CIP2A: variants seen among roughly 807,000 people sequenced by gnomAD.
CIP2A encodes protein CIP2A.
Under a neutral mutation model 110.9 loss-of-function variants are expected in CIP2A, and 103 were observed. That is an observed-to-expected ratio of 0.93 (90% CI 0.79 to 1.09). CIP2A has a LOEUF of 1.09. Ranked by LOEUF, CIP2A falls within the 50% of genes least tolerant of loss-of-function variation. The pLI is 0.00. For synonymous variants in CIP2A, 381 were observed against 361.6 expected, an observed-to-expected ratio of 1.05 and a Z score of -0.61; for missense variants, 1,088 against 1,038.4, an observed-to-expected ratio of 1.05 and a Z score of -0.66.
intron 13 of CIP2A, among the ~76,000 whole-genome samples, chr3:108,562,727 A>G (rs1466683468): frequency 6.6e-6 from 1 of 152,032 alleles, no homozygotes; most frequent in Non-Finnish European, 1.5e-5. Flanking sequence ...TTTAGTCCAC[A>G]TCGTTCTCAT....
intron 1 of CIP2A, among the ~76,000 whole-genome samples, chr3:108,586,304 G>A (rs543211466): frequency 6.6e-6 from 1 of 152,270 alleles, no homozygotes; most frequent in South Asian, 2.1e-4. Flanking sequence ...ATATGAAAGT[G>A]CAGATGCCAG....
At chr3:108,583,856 A>G (rs1343328079) in intron 2 of CIP2A, among the ~76,000 whole-genome samples, 2 of 152,200 alleles carry the variant, frequency 1.3e-5, no homozygotes, top group African/African-American at 4.8e-5. Context: ...TGCAGGTAAC[A>G]AAATATCATA....
At chr3:108,557,115 G>T in intron 17 of CIP2A, 103 bp downstream of exon 17, 1 of 668,806 alleles carries the variant, frequency 1.5e-6, no homozygotes, top group Non-Finnish European at 2.5e-6. Flanking sequence ...TGTGTTATCA[G>T]AATATATGAA....
chr3:108,583,113 A>T (rs760198396), intron 2 of CIP2A, 30 bp from the exon 3 acceptor site: 4 of 1,230,188 alleles, frequency 3.3e-6, no homozygotes, highest in Non-Finnish European at 4.6e-6. Flanking sequence ...CACAAAATAT[A>T]TCATTTTCTT....
At chr3:108,582,856 C>A (rs369278801) in intron 3 of CIP2A, 121 bp downstream of exon 3, 1 of 448,942 alleles carries the variant, frequency 2.2e-6, no homozygotes, top group Non-Finnish European at 4.0e-6. Context: ...ATGAACTGTG[C>A]CTAATCATGT....
In CIP2A at chr3:108,566,595, G is replaced by A. The variant is rs775669068; in HGVS notation, c.1317C>T (p.Ile439=). The A allele has an allele frequency of 5.6e-6, 9 of 1,605,352 alleles. No individual in the cohort carries two copies. The highest frequency in any genetic ancestry group is 1.7e-4 in the Middle Eastern group (1 of 6,046). The change falls in exon 11 of 21, where the codon ATC becomes ATT. Residue 439 remains isoleucine, a synonymous_variant. Coordinates refer to ENST00000295746, the MANE Select transcript of CIP2A (RefSeq NM_020890.3). ...GAGTGGTACACTTGACAGTTGTCAA[G>A]ATTTTTGCAATATGCATTTTTAGTG... The part of the protein sequence containing the change: ...DDTLKMHIAK[I]LTTVKCTTLI...
In CIP2A at chr3:108,585,186, T is replaced by C. The variant is rs750414257; in HGVS notation, c.129A>G (p.Arg43=). 11 of 1,610,982 alleles carry C rather than the reference T, an allele frequency of 6.8e-6. No individual in the cohort carries two copies. The highest frequency in any genetic ancestry group is 9.3e-6 in the Non-Finnish European group (11 of 1,178,496). The change falls in exon 2 of 21, where the codon CGA becomes CGG. Residue 43 remains arginine, a synonymous_variant. Coordinates refer to ENST00000295746, the MANE Select transcript of CIP2A (RefSeq NM_020890.3). ...LEVISGQKLT[R]LFTSNQILTS... ...TTAATATCTGATTTGATGTAAATAG[T>C]CGTGTGAGTTTCTGTCCAGAAATTA...
chr3:108,561,835 C>T (rs1938016970), intron 13 of CIP2A, among the ~76,000 whole-genome samples: 1 of 152,084 alleles, frequency 6.6e-6, no homozygotes, highest in Non-Finnish European at 1.5e-5. Flanking sequence ...ATTTACAACA[C>T]AAATAAGACA....
intron 20 of CIP2A, among the ~76,000 whole-genome samples, chr3:108,551,712 A>G (rs541502253): frequency 6.6e-6 from 1 of 152,126 alleles, no homozygotes; most frequent in Admixed American, 6.6e-5. Flanking sequence ...CTTTAATCCT[A>G]GTCTGTTCTC....
intron 19 of CIP2A, 90 bp downstream of exon 19, chr3:108,553,558 A>T: frequency 9.1e-7 from 1 of 1,097,700 alleles, no homozygotes; most frequent in South Asian, 1.5e-5. Flanking sequence ...TAAAACAATA[A>T]GTAGAAAATA....
At chr3:108,562,365 T>C (rs1938034318) in intron 13 of CIP2A, among the ~76,000 whole-genome samples, 1 of 152,150 alleles carries the variant, frequency 6.6e-6, no homozygotes, top group Admixed American at 6.6e-5. Flanking sequence ...TGTGGCCATA[T>C]TCCAATAAAA....
rs1294411560 is a variant in CIP2A at position 108,566,203 on chromosome 3, CA to C, written c.1415+293del. On this transcript the variant is annotated intron_variant, in intron 11 of 20. Coordinates refer to ENST00000295746, the MANE Select transcript of CIP2A (RefSeq NM_020890.3). ...AAAAAAGTAAAATTGATTACTGAGGCAATGTCAAAAAGGAGCTCCAGAAATG... is the reference window on the plus strand; with the variant it reads ...AAAAAAGTAAAATTGATTACTGAGGCATGTCAAAAAGGAGCTCCAGAAATG... Among the ~76,000 whole-genome samples the C allele has an allele frequency of 2.0e-5, 3 of 151,628 alleles. No homozygotes were observed. The East Asian group carries it at 5.8e-4, about 29-fold the overall frequency.
At chr3:108,569,635 A>G in intron 8 of CIP2A, 28 bp from the exon 9 acceptor site, 3 of 1,533,376 alleles carry the variant, frequency 2.0e-6, no homozygotes, top group South Asian at 1.1e-5. Context: ...TTCATTAAAC[A>G]TCAATTTCAC....
rs1938871886 is a variant in CIP2A at position 108,581,404 on chromosome 3, A to C, written c.549+11T>G. 1 of 1,571,110 alleles carries C rather than the reference A, an allele frequency of 6.4e-7. No individual in the cohort carries two copies. The highest frequency in any genetic ancestry group is 1.4e-5 in the African/African-American group (1 of 73,920). The stretch of plus-strand genomic sequence containing the variant: ...AAAACAAGAAACATTAAAAAGAAAT[A>C]AACTTCTTACCAATGTCTTTATGTG... On this transcript the variant is annotated intron_variant, in intron 5 of 20. Coordinates refer to ENST00000295746, the MANE Select transcript of CIP2A (RefSeq NM_020890.3).
chr3:108,588,574 CTTAA>C (rs1939171468), intron 1 of CIP2A, among the ~76,000 whole-genome samples: 3 of 152,098 alleles, frequency 2.0e-5, no homozygotes, highest in African/African-American at 7.2e-5. Flanking sequence ...TAAAATAAGC[CTTAA>C]TTGAGCTTTA....
intron 20 of CIP2A, 114 bp from the exon 21 acceptor site, chr3:108,551,433 C>T: frequency 1.6e-6 from 1 of 642,638 alleles, no homozygotes; most frequent in Non-Finnish European, 2.4e-6. Context: ...ACAACCATTT[C>T]AAGACATACT....
At chr3:108,559,445 A>G (rs1347047855) in intron 16 of CIP2A, among the ~76,000 whole-genome samples, 1 of 152,160 alleles carries the variant, frequency 6.6e-6, no homozygotes, top group Non-Finnish European at 1.5e-5. Flanking sequence ...TAGGAACATT[A>G]CTATTTTGGT....
At position 108,569,451 on chromosome 3, in the gene CIP2A, G is replaced by A; in HGVS notation, c.1051C>T (p.Pro351Ser). The A allele has an allele frequency of 6.2e-7, 1 of 1,612,636 alleles. No individual in the cohort carries two copies. The highest frequency in any genetic ancestry group is 8.5e-7 in the Non-Finnish European group (1 of 1,179,274). The change falls in exon 9 of 21, where the codon CCT (proline) becomes TCT (serine). Residue 351 changes from proline to serine, a missense_variant. Pro to Ser is a moderately conservative substitution (Grantham distance 74). Coordinates refer to ENST00000295746, the MANE Select transcript of CIP2A (RefSeq NM_020890.3). ...GAACAGTTTTCTGATCCGTCCAAAGGTTGGCTTAACCAGCGCAGTAGAGCC... is the reference window on the plus strand; with the variant it reads ...GAACAGTTTTCTGATCCGTCCAAAGATTGGCTTAACCAGCGCAGTAGAGCC... ...TVALLRWLSQ[P>S]LDGSENCSVL...
At chr3:108,577,465 G>A (rs1938699946) in intron 7 of CIP2A, among the ~76,000 whole-genome samples, 1 of 152,116 alleles carries the variant, frequency 6.6e-6, no homozygotes, top group South Asian at 2.1e-4. Flanking sequence ...GTAAGAATTT[G>A]GTATAAACAT....
Sources: gnomAD v4.1 joint callset for allele counts (sites outside exome capture counted in the v4.1 genomes callset) on GRCh38, gnomAD v4.1.1 for gene constraint, MANE v1.5 for transcripts, NCBI Gene and HGNC (gene_info 2026-07-23, HGNC 2026-07-21) for gene names.